The following CELSR1 variants were observed in gnomAD, a reference collection of about 807,000 sequenced individuals.
CELSR1 encodes cadherin EGF LAG seven-pass G-type receptor 1.
Under a neutral mutation model 249.1 loss-of-function variants are expected in CELSR1, and 110 were observed. The ratio of observed to expected loss-of-function variants is 0.44; its 90% confidence interval spans 0.38 to 0.52. CELSR1 has a LOEUF of 0.52. Among genes scored for constraint, CELSR1 ranks in the 20% least tolerant of loss-of-function variants. CELSR1 has a pLI of 0.00. For missense variants in CELSR1, 4,109 were observed against 4,296.4 expected (o/e 0.96, Z 1.22); for synonymous variants, 2,113 against 1,900.0 (o/e 1.11, Z -2.92).
intron 1 of CELSR1, among the ~76,000 whole-genome samples, chr22:46,507,552 G>A (rs1253568108): frequency 6.6e-6 from 1 of 152,108 alleles, no homozygotes; most frequent in Non-Finnish European, 1.5e-5. Context: ...CCTGCGGTGT[G>A]AGTCCCAGCC....
At chr22:46,463,633 G>A in intron 2 of CELSR1, 74 bp downstream of exon 2, 2 of 1,416,800 alleles carry the variant, frequency 1.4e-6, no homozygotes, top group Non-Finnish European at 1.9e-6. Flanking sequence ...AGTAAACAGA[G>A]GAAACCACCT....
chr22:46,531,751 C>A (rs2080794171), intron 1 of CELSR1, among the ~76,000 whole-genome samples: 1 of 152,102 alleles, frequency 6.6e-6, no homozygotes, highest in Non-Finnish European at 1.5e-5. Flanking sequence ...CTCCCGGTTA[C>A]CAGGGAAACA....
intron 1 of CELSR1, among the ~76,000 whole-genome samples, chr22:46,524,001 T>C (rs1336895257): frequency 1.3e-5 from 2 of 152,222 alleles, no homozygotes; most frequent in African/African-American, 4.8e-5. Context: ...CCGTCCCGTT[T>C]CAGGCAACGC....
Position 46,490,629 on chromosome 22 carries a change from G to A in CELSR1, c.3545-26284C>T, listed in dbSNP as rs1297100933. ...TGTTCTAAGCAGAGTGAGCGTCGTG[G>A]AGCCTCCCTCAGGCATGGCTGTGAG... On this transcript the variant is annotated intron_variant, in intron 1 of 34. Transcript: ENST00000674500. The surrounding 1 kb of genome is among the most constrained non-coding windows in gnomAD (Gnocchi z 5.2). Among the ~76,000 whole-genome samples the A allele has an allele frequency of 6.6e-6, 1 of 151,830 alleles. No homozygotes were observed. Among genetic ancestry groups the A allele is most frequent in the Non-Finnish European group, 1.5e-5 (1 of 67,970 alleles).
chr22:46,365,432 C>A, intron 31 of CELSR1, 52 bp from the exon 32 acceptor site: 1 of 1,599,952 alleles, frequency 6.3e-7, no homozygotes. Flanking sequence ...GTGAGGGAGT[C>A]CCACCGAGGG....
rs1274237165 is a variant in CELSR1 at position 46,512,200 on chromosome 22, A to G, written c.3544+21427T>C. ...AAGCGTGCTGCCCTCGAGGGCTCAC[A>G]GCTAGGGGCAGGTGTCCCGGATTTG... On this transcript the variant is annotated intron_variant, in intron 1 of 34. Transcript: ENST00000674500. This position sits in a 1 kb window ranked among gnomAD's most constrained non-coding sequence, Gnocchi z 5.2. Among the ~76,000 whole-genome samples, 2 of 151,996 alleles carry G rather than the reference A, an allele frequency of 1.3e-5. No homozygotes were observed. The highest frequency in any genetic ancestry group is 4.8e-5 in the African/African-American group (2 of 41,258).
At chr22:46,378,445 G>A (rs1425286087) in intron 23 of CELSR1, 146 bp downstream of exon 23, 8 of 815,058 alleles carry the variant, frequency 9.8e-6, no homozygotes, top group Non-Finnish European at 1.4e-5. Context: ...TAGAATGGAA[G>A]ATTTAGTTTG....
At position 46,518,713 on chromosome 22, in the gene CELSR1, G is replaced by A. The variant is rs2080654145; in HGVS notation, c.3544+14914C>T. ...CTTCACGTTGTGGCCTCCTCATTGT[G>A]TGTCTGTCTCTGTCTTCTCTCTTAT... On this transcript the variant is annotated intron_variant, in intron 1 of 34. Transcript: ENST00000674500. This position sits in a 1 kb window ranked among gnomAD's most constrained non-coding sequence, Gnocchi z 5.2. Among the ~76,000 whole-genome samples, 1 of 152,172 alleles carries A rather than the reference G, an allele frequency of 6.6e-6. No homozygotes were observed. The highest frequency in any genetic ancestry group is 2.4e-5 in the African/African-American group (1 of 41,442).
chr22:46,486,418 G>C (rs1214206958), intron 1 of CELSR1, among the ~76,000 whole-genome samples: 1 of 150,642 alleles, frequency 6.6e-6, no homozygotes, highest in Non-Finnish European at 1.5e-5. Context: ...CGTGGTGGTG[G>C]GCGCCTGTAA....
Position 46,468,278 on chromosome 22 carries a change from C to G in CELSR1, c.3545-3933G>C, listed in dbSNP as rs540916644. On this transcript the variant is annotated intron_variant, in intron 1 of 34. Coordinates refer to ENST00000674500, the MANE Select transcript of CELSR1 (RefSeq NM_001378328.1). The surrounding 1 kb of genome is among the most constrained non-coding windows in gnomAD (Gnocchi z 4.5). ...GTGCATGCCTGTAATCTTAGCTACT[C>G]GGGAGGCTGAGGCAGGAGAATCGCT... Among the ~76,000 whole-genome samples the G allele has an allele frequency of 6.6e-6, 1 of 151,512 alleles. No homozygotes were observed. Among genetic ancestry groups the G allele is most frequent in the Non-Finnish European group, 1.5e-5 (1 of 67,958 alleles).
intron 9 of CELSR1, among the ~76,000 whole-genome samples, chr22:46,404,411 CA>C (rs897590784): frequency 1.1e-4 from 15 of 142,796 alleles, no homozygotes; most frequent in Non-Finnish European, 1.1e-4. Flanking sequence ...GACTCCATTT[CA>C]AAAAAAAAAG....
At chr22:46,386,651 C>T in intron 18 of CELSR1, 66 bp from the exon 19 acceptor site, 2 of 1,379,288 alleles carry the variant, frequency 1.5e-6, no homozygotes, top group African/African-American at 1.5e-5. Context: ...GGAGGGACAC[C>T]TGCCCTGAAA....
At chr22:46,431,279 C>A (rs941860931) in intron 5 of CELSR1, among the ~76,000 whole-genome samples, 1 of 152,182 alleles carries the variant, frequency 6.6e-6, no homozygotes, top group Non-Finnish European at 1.5e-5. Flanking sequence ...AGAGCCAGGG[C>A]GGAGTGTGGA....
intron 1 of CELSR1, among the ~76,000 whole-genome samples, chr22:46,485,929 CTTTTTTTTTTTTTT>C (rs77749125): frequency 0.4 from 42,041 of 105,876 alleles, 7,926 homozygotes; most frequent in East Asian, 0.64. Context: ...CTTTCAGGTA[CTTTTTTTTTTTTTT>C]TTTTTTTTTT....
Position 46,454,211 on chromosome 22 carries a change from G to C in CELSR1, c.4183+9496C>G, listed in dbSNP as rs2079919188. 6.6e-6 allele frequency among the ~76,000 whole-genome samples: 1 copy of C among 152,168 alleles called. No individual in the cohort carries two copies. Among genetic ancestry groups the C allele is most frequent in the South Asian group, 2.1e-4 (1 of 4,828 alleles). On this transcript the variant is annotated intron_variant, in intron 2 of 34. Transcript: ENST00000674500. The surrounding 1 kb of genome is among the most constrained non-coding windows in gnomAD (Gnocchi z 5.1). Reference sequence around the variant, plus strand: ...GCAGCTGAGGAAGGCAGAGCAGGAGGCCCTCCCCAGGGCCTCCCGGAGCAG... The same window carrying C: ...GCAGCTGAGGAAGGCAGAGCAGGAGCCCCTCCCCAGGGCCTCCCGGAGCAG...
chr22:46,491,857 G>A (rs1211217811), intron 1 of CELSR1, among the ~76,000 whole-genome samples: 4 of 151,736 alleles, frequency 2.6e-5, no homozygotes, highest in South Asian at 2.1e-4. Context: ...GGCTGGTCTC[G>A]AACTCCTGAC....
intron 1 of CELSR1, among the ~76,000 whole-genome samples, chr22:46,498,276 AGCGAAACTCTGTCTC>A (rs375749450): frequency 1.8e-4 from 12 of 65,842 alleles, no homozygotes; most frequent in African/African-American, 3.3e-4. Flanking sequence ...AAAAAAAAAA[AGCGAAACTCTGTCTC>A]AAAAAAAAAA....
intron 1 of CELSR1, among the ~76,000 whole-genome samples, chr22:46,524,177 C>G (rs958662723): frequency 6.6e-6 from 1 of 152,248 alleles, no homozygotes; most frequent in Non-Finnish European, 1.5e-5. Flanking sequence ...GCTCTCTAGC[C>G]TCAGTTTCTC....
In CELSR1 at chr22:46,403,991, GAAAAAAAGA is replaced by G; in HGVS notation, c.5227-4098_5227-4090del. 1.6e-5 allele frequency among the ~76,000 whole-genome samples: 2 copies of G among 123,870 alleles called. 1 individual carries two copies. Among genetic ancestry groups the G allele is most frequent in the African/African-American group, 6.2e-5 (2 of 32,426 alleles). 81.3% of individuals were successfully genotyped at this position (123,870 alleles called of 152,430 possible). On this transcript the variant is annotated intron_variant, in intron 9 of 34. Coordinates refer to ENST00000674500, the MANE Select transcript of CELSR1 (RefSeq NM_001378328.1). Reference sequence around the variant, plus strand: ...CGTCTCAAAAAAAAAAAAAAAAAAAGAAAAAAAGAAAAAAAAAACTGACTAGATCTGGGC... The same window carrying G: ...CGTCTCAAAAAAAAAAAAAAAAAAAGAAAAAAAAACTGACTAGATCTGGGC...
Sources: gnomAD v4.1 joint callset for allele counts (sites outside exome capture counted in the v4.1 genomes callset) on GRCh38, gnomAD v4.1.1 for gene constraint, Gnocchi (gnomAD v3.1) non-coding constraint, MANE v1.5 for transcripts, NCBI Gene and HGNC (gene_info 2026-07-23, HGNC 2026-07-21) for gene names.